ELAVL2: variants seen among roughly 807,000 people sequenced by gnomAD.
The protein encoded by ELAVL2 is ELAV-like protein 2.
ELAVL2 carries 4 observed loss-of-function variants against 34.6 expected under a neutral mutation model. The ratio of observed to expected loss-of-function variants is 0.12; its 90% CI spans 0.06 to 0.26. The LOEUF is 0.26. Among genes scored for constraint, ELAVL2 ranks in the 10% least tolerant of loss-of-function variants. The pLI, the probability that ELAVL2 is intolerant of heterozygous loss-of-function variation, is 1.00. For missense variants in ELAVL2, 432 were observed against 442.8 expected, an observed-to-expected ratio of 0.98 and a Z score of 0.22; for synonymous variants, 193 against 154.8, an observed-to-expected ratio of 1.25 and a Z score of -1.83.
intron 3 of ELAVL2, among the ~76,000 whole-genome samples, chr9:23,708,988 TAATTAC>T (rs1357746690): frequency 6.6e-6 from 1 of 152,170 alleles, no homozygotes; most frequent in African/African-American, 2.4e-5. Flanking sequence ...AAGTGGCCAC[TAATTAC>T]AATTAACCAA....
intron 1 of ELAVL2, among the ~76,000 whole-genome samples, chr9:23,817,483 C>T (rs2063877720): frequency 6.6e-6 from 1 of 152,102 alleles, no homozygotes; most frequent in Non-Finnish European, 1.5e-5. Context: ...CATTGAGAGC[C>T]TAACTCAAAG....
intron 1 of ELAVL2, among the ~76,000 whole-genome samples, chr9:23,779,888 T>A (rs1033639377): frequency 6.6e-6 from 1 of 151,442 alleles, no homozygotes; most frequent in East Asian, 2.0e-4. Flanking sequence ...AAATTATTCC[T>A]TATCAACTGC....
intron 3 of ELAVL2, among the ~76,000 whole-genome samples, chr9:23,729,161 G>A (rs750288317): frequency 1.3e-5 from 2 of 152,096 alleles, no homozygotes; most frequent in African/African-American, 2.4e-5. Context: ...CTGGATCTTC[G>A]TGCAGGAGGA....
intron 3 of ELAVL2, among the ~76,000 whole-genome samples, chr9:23,728,144 G>T (rs747906414): frequency 4.6e-5 from 7 of 152,004 alleles, no homozygotes; most frequent in Non-Finnish European, 8.8e-5. Flanking sequence ...CACTCTGACT[G>T]TGGACAGAGA....
chr9:23,781,925 C>A (rs2059121792), intron 1 of ELAVL2, among the ~76,000 whole-genome samples: 2 of 152,082 alleles, frequency 1.3e-5, no homozygotes, highest in South Asian at 4.1e-4. Flanking sequence ...ACCTCGTGAG[C>A]CGCCCGCCTC....
intron 2 of ELAVL2, among the ~76,000 whole-genome samples, chr9:23,744,740 C>A (rs1437122849): frequency 6.6e-6 from 1 of 151,294 alleles, no homozygotes; most frequent in Non-Finnish European, 1.5e-5. Flanking sequence ...TTCTCGCGCA[C>A]CCCCCACGAA....
intron 1 of ELAVL2, among the ~76,000 whole-genome samples, chr9:23,783,792 GA>G (rs550955271): frequency 0.04 from 5,833 of 147,308 alleles, 181 homozygotes; most frequent in Middle Eastern, 0.15. Context: ...GATGACAGAT[GA>G]AAAAAAAAAA....
chr9:23,748,438 G>A (rs909333991), intron 2 of ELAVL2, among the ~76,000 whole-genome samples: 1 of 152,094 alleles, frequency 6.6e-6, no homozygotes, highest in African/African-American at 2.4e-5. Context: ...AGAAAAGTAT[G>A]AAGGCAGAGA....
At chr9:23,705,958 T>C (rs143174389) in intron 3 of ELAVL2, among the ~76,000 whole-genome samples, 1 of 152,234 alleles carries the variant, frequency 6.6e-6, no homozygotes, top group African/African-American at 2.4e-5. Flanking sequence ...GTGTGGGTGG[T>C]AGTGCTACAT....
Position 23,737,019 on chromosome 9 carries a change from C to G in ELAVL2, c.230-5894G>C, listed in dbSNP as rs371734989. Among the ~76,000 whole-genome samples the G allele has an allele frequency of 5.8e-4, 88 of 152,290 alleles. 2 individuals are homozygous for G. In the South Asian group the frequency reaches 0.017, roughly 29 times the overall value. ...TTCCTGCCACAACTTGCCCCATCCC[C>G]AGTGCACACTGTACAGTGCTCCTCT... On this transcript the variant is annotated intron_variant, in intron 2 of 6. Coordinates refer to ENST00000397312, the MANE Select transcript of ELAVL2 (RefSeq NM_004432.5).
In ELAVL2 at chr9:23,760,178, C is replaced by G. The variant is rs952818343; in HGVS notation, c.229+1828G>C. ...AAGAGTAAGATTAATTCAAGATTGA[C>G]TAGAGGTGAGACGTGAGGATCTGTA... On this transcript the variant is annotated intron_variant, in intron 2 of 6. Coordinates refer to ENST00000397312, the MANE Select transcript of ELAVL2 (RefSeq NM_004432.5). Among the ~76,000 whole-genome samples the G allele has an allele frequency of 3.3e-5, 5 of 151,910 alleles. 1 individual carries two copies. The highest frequency in any genetic ancestry group is 1.2e-4 in the African/African-American group (5 of 41,416).
chr9:23,705,441 AC>A (rs1465550036), intron 3 of ELAVL2, among the ~76,000 whole-genome samples: 6 of 152,196 alleles, frequency 3.9e-5, no homozygotes, highest in African/African-American at 1.4e-4. Flanking sequence ...TATCATTTGT[AC>A]CCACCTTTAG....
At chr9:23,737,344 A>T (rs2048138434) in intron 2 of ELAVL2, among the ~76,000 whole-genome samples, 1 of 152,218 alleles carries the variant, frequency 6.6e-6, no homozygotes, top group Non-Finnish European at 1.5e-5. Flanking sequence ...TGGAGACAAG[A>T]TGCTCAAATG....
At chr9:23,749,676 T>C (rs2051390286) in intron 2 of ELAVL2, among the ~76,000 whole-genome samples, 1 of 152,098 alleles carries the variant, frequency 6.6e-6, no homozygotes. Context: ...GAACGTGACT[T>C]TTGGGATATT....
At chr9:23,758,448 A>G (rs2054103949) in intron 2 of ELAVL2, among the ~76,000 whole-genome samples, 1 of 152,166 alleles carries the variant, frequency 6.6e-6, no homozygotes, top group Non-Finnish European at 1.5e-5. Context: ...TCCTTCTAAA[A>G]GCCATTTTAA....
Position 23,698,007 on chromosome 9 carries a change from G to C in ELAVL2, c.713+3372C>G, listed in dbSNP as rs151123020. 4.6e-3 allele frequency among the ~76,000 whole-genome samples: 700 copies of C among 152,166 alleles called. 3 individuals are homozygous for C. Among genetic ancestry groups the C allele is most frequent in the Non-Finnish European group, 7.8e-3 (531 of 68,016 alleles). The stretch of plus-strand genomic sequence containing the variant: ...AAGAAAGAGGAAAAGTATTCAAGGG[G>C]ATTGATACCGGTTTCTTCCAAAAGG... On this transcript the variant is annotated intron_variant, in intron 5 of 6. Coordinates refer to ENST00000397312, the MANE Select transcript of ELAVL2 (RefSeq NM_004432.5).
intron 4 of ELAVL2, among the ~76,000 whole-genome samples, chr9:23,702,950 G>GTAAAAA (rs1164109229): frequency 1.3e-4 from 1 of 7,646 alleles, no homozygotes; most frequent in Non-Finnish European, 3.4e-4. Flanking sequence ...CATCAGATTA[G>GTAAAAA]CAAAAAAAAA....
intron 3 of ELAVL2, among the ~76,000 whole-genome samples, chr9:23,722,920 CCAGGTATGTGGTAGAA>C (rs1056784406): frequency 3.8e-4 from 58 of 152,154 alleles, no homozygotes; most frequent in African/African-American, 1.4e-3. Context: ...ACTTCACAAG[CCAGGTATGTGGTAGAA>C]CAGACTGAAG....
chr9:23,820,699 C>T (rs1192343378), intron 1 of ELAVL2, among the ~76,000 whole-genome samples: 1 of 152,206 alleles, frequency 6.6e-6, no homozygotes, highest in Admixed American at 6.5e-5. Flanking sequence ...TGAACCGACG[C>T]TGGCTCCCCC....
Sources: allele counts gnomAD v4.1 joint callset (sites outside exome capture counted in the v4.1 genomes callset), GRCh38; gene constraint gnomAD v4.1.1; transcripts MANE v1.5; gene names NCBI Gene and HGNC (gene_info 2026-07-23, HGNC 2026-07-21).